The following PACRG variants were observed in gnomAD, a reference collection of about 807,000 sequenced individuals.
The protein encoded by PACRG is parkin coregulated.
PACRG carries 29 observed loss-of-function variants against 29.7 expected under a neutral mutation model. The ratio of observed to expected loss-of-function variants is 0.98; its 90% CI spans 0.73 to 1.33. PACRG has a LOEUF of 1.33. Ranked by LOEUF, PACRG falls within the 40% of genes most tolerant of loss-of-function variation. The pLI is 0.00. For synonymous variants in PACRG, 116 were observed against 118.7 expected (o/e 0.98, Z 0.15); for missense variants, 279 against 316.2 (o/e 0.88, Z 0.89).
chr6:162,989,869 C>A (rs1164765981), intron 2 of PACRG, among the ~76,000 whole-genome samples: 1 of 151,966 alleles, frequency 6.6e-6, no homozygotes, highest in Non-Finnish European at 1.5e-5. Context: ...GGTATATCTC[C>A]CAATGCTATC....
intron 1 of PACRG, among the ~76,000 whole-genome samples, chr6:162,743,716 A>G (rs1211025762): frequency 6.6e-6 from 1 of 152,072 alleles, no homozygotes; most frequent in Non-Finnish European, 1.5e-5. Flanking sequence ...TTGAGATGTA[A>G]TTCATATACA....
chr6:163,265,247 C>T (rs756280917), intron 4 of PACRG, among the ~76,000 whole-genome samples: 2 of 152,282 alleles, frequency 1.3e-5, no homozygotes, highest in African/African-American at 4.8e-5. Flanking sequence ...GCCTCTCAGT[C>T]GGTCCTGGTG....
At position 163,201,922 on chromosome 6, in the gene PACRG, C is replaced by G. The variant is rs201163011; in HGVS notation, c.613+112514C>G. ...CTCACACGGTGGTGGCCAACCTCGA[C>G]GTTAGATTTGGGGGAAGTTCAGAGG... On this transcript the variant is annotated intron_variant, in intron 4 of 4. Coordinates refer to ENST00000366888, the MANE Select transcript of PACRG (RefSeq NM_001080379.2). 3.3e-5 allele frequency among the ~76,000 whole-genome samples: 5 copies of G among 152,234 alleles called. No individual in the cohort carries two copies. The East Asian group carries it at 9.7e-4, about 30-fold the overall frequency.
At chr6:163,169,188 A>G (rs1387426548) in intron 4 of PACRG, among the ~76,000 whole-genome samples, 1 of 152,214 alleles carries the variant, frequency 6.6e-6, no homozygotes, top group Non-Finnish European at 1.5e-5. Flanking sequence ...TCCTTTTTCT[A>G]ATTGATAAAA....
At chr6:163,171,264 AAAAG>A (rs1017114808) in intron 4 of PACRG, among the ~76,000 whole-genome samples, 2 of 149,658 alleles carry the variant, frequency 1.3e-5, no homozygotes, top group African/African-American at 5.1e-5. Flanking sequence ...ATGAGAAAAG[AAAAG>A]AAAAAAAAAA....
chr6:163,176,990 T>TCC (rs1330372327), intron 4 of PACRG, among the ~76,000 whole-genome samples: 1 of 152,088 alleles, frequency 6.6e-6, no homozygotes, highest in Non-Finnish European at 1.5e-5. Context: ...GTGACAGCCC[T>TCC]CCATAAGGAG....
intron 1 of PACRG, among the ~76,000 whole-genome samples, chr6:162,792,078 T>G (rs1418492588): frequency 6.6e-6 from 1 of 152,158 alleles, no homozygotes; most frequent in African/African-American, 2.4e-5. Flanking sequence ...TAGCCATCTG[T>G]GTGCATGGCC....
chr6:162,828,832 G>A (rs1388792493), intron 2 of PACRG, among the ~76,000 whole-genome samples: 1 of 152,118 alleles, frequency 6.6e-6, no homozygotes, highest in Non-Finnish European at 1.5e-5. Flanking sequence ...AGAATGCAAT[G>A]AAAATAATCT....
chr6:162,914,051 G>C (rs1796508188), intron 2 of PACRG, among the ~76,000 whole-genome samples: 1 of 152,098 alleles, frequency 6.6e-6, no homozygotes, highest in Non-Finnish European at 1.5e-5. Flanking sequence ...CTGCAAAAGA[G>C]AAAATGTATT....
chr6:163,273,085 G>C (rs1038577722), intron 4 of PACRG, among the ~76,000 whole-genome samples: 6 of 147,820 alleles, frequency 4.1e-5, no homozygotes, highest in Non-Finnish European at 8.9e-5. Context: ...AGTAGAGACG[G>C]GGTTTCACCG....
chr6:163,258,891 A>G (rs752473939), intron 4 of PACRG, among the ~76,000 whole-genome samples: 7 of 152,220 alleles, frequency 4.6e-5, no homozygotes, highest in Non-Finnish European at 7.3e-5. Context: ...TTCGGTATCA[A>G]CATCATTATG....
At chr6:163,112,858 G>C (rs1815787407) in intron 4 of PACRG, among the ~76,000 whole-genome samples, 1 of 152,144 alleles carries the variant, frequency 6.6e-6, no homozygotes, top group Admixed American at 6.5e-5. Context: ...AAAGAAACAG[G>C]AAAGTATTGT....
At chr6:162,844,417 G>A (rs867254925) in intron 2 of PACRG, among the ~76,000 whole-genome samples, 6 of 152,214 alleles carry the variant, frequency 3.9e-5, no homozygotes, top group African/African-American at 9.6e-5. Flanking sequence ...GACCCCTTGC[G>A]CTTCCCAAGT....
intron 4 of PACRG, among the ~76,000 whole-genome samples, chr6:163,185,366 G>T (rs2764000): frequency 0.41 from 62,811 of 152,046 alleles, 13,241 homozygotes; most frequent in Middle Eastern, 0.51. Flanking sequence ...CATGGATCCA[G>T]CTTAATAAGA....
chr6:162,790,781 G>A (rs1198071183), intron 1 of PACRG, among the ~76,000 whole-genome samples: 1 of 152,142 alleles, frequency 6.6e-6, no homozygotes, highest in Non-Finnish European at 1.5e-5. Flanking sequence ...GTCTTATCTA[G>A]ATCTGCGTTG....
At chr6:163,049,590 T>C (rs1297414531) in intron 2 of PACRG, among the ~76,000 whole-genome samples, 1 of 152,000 alleles carries the variant, frequency 6.6e-6, no homozygotes, top group East Asian at 1.9e-4. Context: ...ATATAAAAGA[T>C]CTCTTGAAAT....
At chr6:163,230,317 A>G (rs1021377091) in intron 4 of PACRG, among the ~76,000 whole-genome samples, 5 of 152,218 alleles carry the variant, frequency 3.3e-5, no homozygotes, top group South Asian at 2.1e-4. Context: ...AGTTATTCCA[A>G]TTTATCAGCC....
chr6:162,899,345 G>A (rs984671970), intron 2 of PACRG, among the ~76,000 whole-genome samples: 5 of 152,044 alleles, frequency 3.3e-5, no homozygotes, highest in Non-Finnish European at 2.9e-5. Context: ...CAGAAACCAC[G>A]GGGGGAAAGC....
chr6:163,192,619 A>G (rs1231730067), intron 4 of PACRG, among the ~76,000 whole-genome samples: 1 of 151,778 alleles, frequency 6.6e-6, no homozygotes, highest in East Asian at 2.0e-4. Context: ...TCTCAAGATG[A>G]GCATGAATTA....
Sources: gnomAD v4.1 joint callset for allele counts (sites outside exome capture counted in the v4.1 genomes callset) on GRCh38, gnomAD v4.1.1 for gene constraint, MANE v1.5 for transcripts, NCBI Gene and HGNC (gene_info 2026-07-23, HGNC 2026-07-21) for gene names.